The following FAM117B variants were observed in gnomAD, a reference collection of about 807,000 sequenced individuals.
FAM117B encodes the protein family with sequence similarity 117 member B.
FAM117B carries 22 observed loss-of-function variants against 52.8 expected under a neutral mutation model. That is an observed-to-expected ratio of 0.42 (90% CI 0.30 to 0.59). The LOEUF (loss-of-function observed/expected upper bound fraction) is 0.59. FAM117B is among the 20% of genes least tolerant of loss of function. The pLI, the probability that FAM117B is intolerant of heterozygous loss-of-function variation, is 0.22. For synonymous variants in FAM117B, 309 were observed against 324.1 expected, an observed-to-expected ratio of 0.95 and a Z score of 0.50; for missense variants, 678 against 802.6, an observed-to-expected ratio of 0.84 and a Z score of 1.88.
At chr2:202,678,528 G>T (rs1203361059) in intron 1 of FAM117B, among the ~76,000 whole-genome samples, 1 of 152,170 alleles carries the variant, frequency 6.6e-6, no homozygotes, top group Non-Finnish European at 1.5e-5. Flanking sequence ...CAAGGAAGAA[G>T]ACAGTGGGAA....
Position 202,689,180 on chromosome 2 carries a change from C to G in FAM117B, c.602-6701C>G, listed in dbSNP as rs375628450. 4.6e-5 allele frequency among the ~76,000 whole-genome samples: 7 copies of G among 152,342 alleles called. No individual in the cohort carries two copies. In the South Asian group the frequency reaches 1.2e-3, roughly 27 times the overall value. On this transcript the variant is annotated intron_variant, in intron 1 of 7. Transcript: ENST00000392238. ...TTCTGCCTGGGCACAGTGGCCCACA[C>G]CTGTAATCCCAGCACTTTGGGAGCT...
intron 1 of FAM117B, among the ~76,000 whole-genome samples, chr2:202,689,478 T>C (rs1690590278): frequency 6.6e-6 from 1 of 152,112 alleles, no homozygotes; most frequent in South Asian, 2.1e-4. Flanking sequence ...TGGTGGACTA[T>C]TAGAATTTTT....
intron 1 of FAM117B, among the ~76,000 whole-genome samples, chr2:202,644,067 T>G (rs1035841218): frequency 3.2e-5 from 3 of 92,492 alleles, no homozygotes; most frequent in Non-Finnish European, 8.5e-5. Flanking sequence ...TTTTTTTGTT[T>G]TTTTTTTTTT....
intron 2 of FAM117B, among the ~76,000 whole-genome samples, chr2:202,724,197 A>G (rs1691199990): frequency 6.6e-6 from 1 of 151,448 alleles, no homozygotes; most frequent in African/African-American, 2.4e-5. Context: ...AGCTGGGATT[A>G]CAAGCACACG....
intron 2 of FAM117B, among the ~76,000 whole-genome samples, chr2:202,720,488 T>C (rs562288381): frequency 6.6e-5 from 10 of 152,116 alleles, no homozygotes; most frequent in African/African-American, 2.2e-4. Flanking sequence ...TATTTTGATA[T>C]GTATCTCCTA....
At chr2:202,675,906 A>T (rs1315515065) in intron 1 of FAM117B, among the ~76,000 whole-genome samples, 2 of 149,584 alleles carry the variant, frequency 1.3e-5, no homozygotes, top group East Asian at 3.9e-4. Context: ...AATTGCTTGA[A>T]CCTGGGAGGC....
At chr2:202,741,492 G>A (rs67464942) in intron 4 of FAM117B, among the ~76,000 whole-genome samples, 68,812 of 139,650 alleles carry the variant, frequency 0.49, 17,663 homozygotes, top group Middle Eastern at 0.66. Context: ...TAATATGATA[G>A]TATATCTAGT....
In FAM117B at chr2:202,768,519, C is replaced by T. The variant is rs2105804145; in HGVS notation, c.*2755C>T. ...AACTCTAACTGCCAGTGCCAAAGGGCTAATTTTTAAGCATGTAAGCTTTAC... is the reference window on the plus strand; with the variant it reads ...AACTCTAACTGCCAGTGCCAAAGGGTTAATTTTTAAGCATGTAAGCTTTAC... On this transcript the variant is annotated 3_prime_UTR_variant, in exon 8 of 8. Transcript: ENST00000392238. 1 of 152,618 alleles carries T rather than the reference C, an allele frequency of 6.6e-6. No individual in the cohort carries two copies. Among genetic ancestry groups the T allele is most frequent in the East Asian group, 1.9e-4 (1 of 5,190 alleles). The allele number at this position is 152,618 out of a possible 1,614,324, so 9.5% of individuals were successfully genotyped here.
chr2:202,704,353 T>C (rs1375757738), intron 2 of FAM117B, among the ~76,000 whole-genome samples: 1 of 152,206 alleles, frequency 6.6e-6, no homozygotes, highest in African/African-American at 2.4e-5. Context: ...CTAAGGAATT[T>C]GATCTATTGC....
chr2:202,707,803 C>CTG (rs1690895516), intron 2 of FAM117B, among the ~76,000 whole-genome samples: 1 of 150,138 alleles, frequency 6.7e-6, no homozygotes. Flanking sequence ...GAGTCTTGCT[C>CTG]TGTTGCCCAG....
chr2:202,719,107 A>C (rs1251537451), intron 2 of FAM117B, among the ~76,000 whole-genome samples: 1 of 152,228 alleles, frequency 6.6e-6, no homozygotes, highest in Non-Finnish European at 1.5e-5. Context: ...TTAATACCTA[A>C]GTGTCCTACA....
At chr2:202,692,184 G>A (rs1426539614) in intron 1 of FAM117B, among the ~76,000 whole-genome samples, 1 of 152,106 alleles carries the variant, frequency 6.6e-6, no homozygotes, top group East Asian at 1.9e-4. Flanking sequence ...TTTCATACAT[G>A]TATTTGCCAT....
Position 202,757,276 on chromosome 2 carries a change from C to T in FAM117B, c.1168C>T (p.Arg390Cys), listed in dbSNP as rs1363436725. ...CCTTGTACAGAGAAGTAGCAGCACGCGCAGCATTGACACACAGACGCCTGG... is the reference window on the plus strand; with the variant it reads ...CCTTGTACAGAGAAGTAGCAGCACGTGCAGCATTGACACACAGACGCCTGG... ...PPLVQRSSST[R>C]SIDTQTPGGA... Residue 390 changes from arginine to cysteine, a missense_variant, in exon 6 of 8, where the codon CGC (arginine) becomes TGC (cysteine). Physicochemically the swap from Arg to Cys is radical, Grantham distance 180 (BLOSUM62 -3). This residue lies in a region of FAM117B where 583 missense variants were observed against 644.8 expected (regional missense o/e 0.90). Coordinates refer to ENST00000392238, the MANE Select transcript of FAM117B (RefSeq NM_173511.4). 6 of 1,613,950 alleles carry T rather than the reference C, an allele frequency of 3.7e-6. No homozygotes were observed. Among genetic ancestry groups the T allele is most frequent in the South Asian group, 2.2e-5 (2 of 91,078 alleles).
At chr2:202,637,484 T>G (rs1689706510) in intron 1 of FAM117B, among the ~76,000 whole-genome samples, 1 of 152,202 alleles carries the variant, frequency 6.6e-6, no homozygotes, top group Non-Finnish European at 1.5e-5. Context: ...TTGGAACTCC[T>G]GACCTTATGT....
At position 202,766,399 on chromosome 2, in the gene FAM117B, A is replaced by C. The variant is rs1574309872; in HGVS notation, c.*635A>C. ...CAAACAAGGATTGATAGGTAAATGCATTGAACAAGTATATATAAAAAGAGA... is the reference window on the plus strand; with the variant it reads ...CAAACAAGGATTGATAGGTAAATGCCTTGAACAAGTATATATAAAAAGAGA... On this transcript the variant is annotated 3_prime_UTR_variant, in exon 8 of 8. Coordinates refer to ENST00000392238, the MANE Select transcript of FAM117B (RefSeq NM_173511.4). 1 of 152,748 alleles carries C rather than the reference A, an allele frequency of 6.5e-6. No homozygotes were observed. The allele number at this position is 152,748 out of a possible 1,614,324, so 9.5% of individuals were successfully genotyped here. A position where few individuals can be genotyped will look rare whatever the true frequency, so the allele number is the denominator to read the frequency against.
rs375853974 is a variant in FAM117B at position 202,696,021 on chromosome 2, A to G, written c.742A>G (p.Lys248Glu). 1.2e-6 allele frequency: 2 copies of G among 1,613,856 alleles called. No individual in the cohort carries two copies. Among genetic ancestry groups the G allele is most frequent in the Non-Finnish European group, 1.7e-6 (2 of 1,179,946 alleles). Residue 248 changes from lysine (K) to glutamate (E), a missense_variant, in exon 2 of 8, where the codon AAA (lysine) becomes GAA (glutamate). Around this residue, in one of 3 missense-constraint regions of FAM117B, gnomAD observed 583 missense variants for 644.8 expected, o/e 0.90. Coordinates refer to ENST00000392238, the MANE Select transcript of FAM117B (RefSeq NM_173511.4). ...HGQAAPCMRD[K>E]ATQTESAWAE... ...GCAAGCTGCACCTTGCATGAGGGAC[A>G]AAGCTACACAGGTAAGCTTATTATA...
intron 1 of FAM117B, among the ~76,000 whole-genome samples, chr2:202,681,741 A>G (rs566372482): frequency 6.6e-6 from 1 of 152,374 alleles, no homozygotes; most frequent in East Asian, 1.9e-4. Flanking sequence ...TGCATTGTAG[A>G]ACACTCAGCG....
At chr2:202,714,928 A>G (rs1691020176) in intron 2 of FAM117B, among the ~76,000 whole-genome samples, 1 of 152,040 alleles carries the variant, frequency 6.6e-6, no homozygotes, top group Admixed American at 6.5e-5. Flanking sequence ...TCCCATGTCT[A>G]CTTCTTTCTA....
intron 1 of FAM117B, among the ~76,000 whole-genome samples, chr2:202,667,420 C>A (rs1394060402): frequency 6.6e-6 from 1 of 152,010 alleles, no homozygotes; most frequent in Non-Finnish European, 1.5e-5. Context: ...CTTTTTGAGG[C>A]AGCTTAAAGA....
Sources: allele counts gnomAD v4.1 joint callset (sites outside exome capture counted in the v4.1 genomes callset), GRCh38; gene constraint gnomAD v4.1.1; regional missense constraint gnomAD v4.1.1; transcripts MANE v1.5; gene names NCBI Gene and HGNC (gene_info 2026-07-23, HGNC 2026-07-21).